The following CAPN7 variants were observed in gnomAD, a reference collection of about 807,000 sequenced individuals.
The protein encoded by CAPN7 is calpain 7.
In CAPN7, 72 loss-of-function variants were observed where a neutral mutation model predicts 115.2. That is an observed-to-expected ratio of 0.63 (90% CI 0.52 to 0.76). The LOEUF (loss-of-function observed/expected upper bound fraction) is 0.76. Among genes scored for constraint, CAPN7 ranks in the 30% least tolerant of loss-of-function variants. The pLI is 0.00. For missense variants in CAPN7, 905 were observed against 971.5 expected, an observed-to-expected ratio of 0.93 and a Z score of 0.91; for synonymous variants, 344 against 322.3, an observed-to-expected ratio of 1.07 and a Z score of -0.72.
chr3:15,242,256 A>G lies in CAPN7; in HGVS notation c.1864+3A>G. 6.4e-7 allele frequency: 1 copy of G among 1,562,134 alleles called. No individual in the cohort carries two copies. Among genetic ancestry groups the G allele is most frequent in the Non-Finnish European group, 8.7e-7 (1 of 1,145,600 alleles). Reference sequence around the variant, plus strand: ...TGGGAAAAAAGTTTATTACCCAGGTATGTTTAGTAGCCCAGCAAACATTAA... The same window carrying G: ...TGGGAAAAAAGTTTATTACCCAGGTGTGTTTAGTAGCCCAGCAAACATTAA... On this transcript the variant is annotated splice_donor_region_variant and intron_variant, in intron 16 of 20. Coordinates refer to ENST00000253693, the MANE Select transcript of CAPN7 (RefSeq NM_014296.3).
chr3:15,241,539 A>G lies in CAPN7; in HGVS notation c.1739A>G (p.Gln580Arg), dbSNP rs1232985781. Residue 580 changes from glutamine (Q) to arginine (R), a missense_variant, in exon 15 of 21, where the codon CAG becomes CGG. Gln to Arg is a conservative substitution (Grantham distance 43). Transcript: ENST00000253693. ...TACAAACTGGAGGTGCAGTGTCCAC[A>G]GGGGGGTGCTGCAGTTTGGGTTTTG... Reference protein sequence around the residue: ...PQYKLEVQCPQGGAAVWVLLS... With the variant: ...PQYKLEVQCPRGGAAVWVLLS... 3.1e-6 allele frequency: 5 copies of G among 1,614,088 alleles called. No homozygotes were observed. Among genetic ancestry groups the G allele is most frequent in the Non-Finnish European group, 3.4e-6 (4 of 1,179,958 alleles).
intron 9 of CAPN7, among the ~76,000 whole-genome samples, chr3:15,231,068 A>G (rs552430705): frequency 4.9e-4 from 75 of 152,338 alleles, no homozygotes; most frequent in African/African-American, 1.8e-3. Flanking sequence ...CAACATCAGC[A>G]TCACCTGGAA....
chr3:15,221,441 C>T (rs1693982175), intron 5 of CAPN7, among the ~76,000 whole-genome samples: 1 of 151,080 alleles, frequency 6.6e-6, no homozygotes, highest in Non-Finnish European at 1.5e-5. Flanking sequence ...GATTCGCCCA[C>T]CTCGGCCTCC....
At chr3:15,247,821 TAAG>T (rs1189067469) in intron 19 of CAPN7, among the ~76,000 whole-genome samples, 3 of 152,122 alleles carry the variant, frequency 2.0e-5, no homozygotes, top group Non-Finnish European at 2.9e-5. Context: ...GCTGCATTGA[TAAG>T]AAAAAAATCT....
In CAPN7 at chr3:15,247,386, C is replaced by A. The variant is rs1695727288; in HGVS notation, c.2133C>A (p.His711Gln). The part of the protein sequence containing the change: ...AGGCGNFQET[H>Q]KNNPIYQFHI... ...GATGTGGAAATTTCCAAGAGACTCACAAAAATAACCCCATCTACCAATTCC... is the reference window on the plus strand; with the variant it reads ...GATGTGGAAATTTCCAAGAGACTCAAAAAAATAACCCCATCTACCAATTCC... Residue 711 changes from histidine (H) to glutamine (Q), a missense_variant, in exon 19 of 21, where the codon CAC (histidine) becomes CAA (glutamine). His to Gln is a conservative substitution (Grantham distance 24). This residue lies in a region of CAPN7 where 620 missense variants were observed against 703.4 expected (regional missense o/e 0.88). Transcript: ENST00000253693. 1 of 1,610,062 alleles carries A rather than the reference C, an allele frequency of 6.2e-7. No homozygotes were observed. The highest frequency in any genetic ancestry group is 1.1e-5 in the South Asian group (1 of 90,662).
chr3:15,229,145 T>G, intron 8 of CAPN7, 86 bp downstream of exon 8: 1 of 901,596 alleles, frequency 1.1e-6, no homozygotes, highest in South Asian at 1.5e-5. Flanking sequence ...GTATAGAAAG[T>G]GGAGAGGGCA....
chr3:15,218,372 C>A, intron 3 of CAPN7, 101 bp from the exon 4 acceptor site: 1 of 724,984 alleles, frequency 1.4e-6, no homozygotes, highest in Non-Finnish European at 2.4e-6. Flanking sequence ...TCAATTTCAG[C>A]AAGTGTAATA....
At chr3:15,221,664 T>G (rs1693997995) in intron 5 of CAPN7, among the ~76,000 whole-genome samples, 1 of 150,672 alleles carries the variant, frequency 6.6e-6, no homozygotes, top group Non-Finnish European at 1.5e-5. Flanking sequence ...GGAGAAAAAA[T>G]GTTACTTTGA....
Position 15,251,171 on chromosome 3 carries a change from A to G in CAPN7, c.2353A>G (p.Ile785Val). 1.2e-6 allele frequency: 2 copies of G among 1,608,124 alleles called. No homozygotes were observed. The highest frequency in any genetic ancestry group is 1.7e-6 in the Non-Finnish European group (2 of 1,175,282). The change falls in exon 21 of 21, where the codon ATT (isoleucine) becomes GTT (valine). Residue 785 changes from isoleucine (I) to valine (V), a missense_variant. Ile to Val is a conservative substitution (Grantham distance 29). Coordinates refer to ENST00000253693, the MANE Select transcript of CAPN7 (RefSeq NM_014296.3). ...TATACCTTCTGGGATCTTCAATATC[A>G]TTCCTAGTACCTTTTTGCCTAAACA... ...ENIPSGIFNI[I>V]PSTFLPKQEG...
intron 6 of CAPN7, among the ~76,000 whole-genome samples, chr3:15,227,283 G>GTGTCCACC (rs751754160): frequency 1.8e-4 from 27 of 152,128 alleles, no homozygotes; most frequent in Non-Finnish European, 3.2e-4. Flanking sequence ...TGTTTCTTAG[G>GTGTCCACC]TGTCTGACCT....
intron 6 of CAPN7, among the ~76,000 whole-genome samples, chr3:15,224,102 T>C (rs1694162513): frequency 6.6e-6 from 1 of 152,158 alleles, no homozygotes; most frequent in Admixed American, 6.5e-5. Flanking sequence ...TCAAAGCATC[T>C]GTTGCAGCAA....
At chr3:15,221,255 C>G (rs1278047973) in intron 5 of CAPN7, among the ~76,000 whole-genome samples, 1 of 151,790 alleles carries the variant, frequency 6.6e-6, no homozygotes, top group Non-Finnish European at 1.5e-5. Context: ...TCTTGGCTCA[C>G]TGCAACCTCT....
At chr3:15,239,385 T>C (rs1307707883) in intron 12 of CAPN7, among the ~76,000 whole-genome samples, 2 of 152,224 alleles carry the variant, frequency 1.3e-5, no homozygotes, top group African/African-American at 4.8e-5. Context: ...TTACCACCTC[T>C]TTTATTTTCC....
chr3:15,234,479 TAC>T (rs1469313080), intron 11 of CAPN7, among the ~76,000 whole-genome samples: 1 of 152,214 alleles, frequency 6.6e-6, no homozygotes, highest in Non-Finnish European at 1.5e-5. Context: ...CCTTAATAGT[TAC>T]AGTTAATCCA....
At chr3:15,211,820 G>A (rs370382134) in intron 1 of CAPN7, among the ~76,000 whole-genome samples, 70 of 152,202 alleles carry the variant, frequency 4.6e-4, no homozygotes, top group African/African-American at 1.6e-3. Context: ...ACTTGAACCT[G>A]GGGAGGTTGA....
chr3:15,224,372 A>G (rs1694183524), intron 6 of CAPN7, among the ~76,000 whole-genome samples: 1 of 151,604 alleles, frequency 6.6e-6, no homozygotes, highest in Non-Finnish European at 1.5e-5. Flanking sequence ...TCTCAGGCTC[A>G]GGTGATTCTC....
In CAPN7 at chr3:15,217,479, G is replaced by T; in HGVS notation, c.266G>T (p.Arg89Leu). ...LKSKHQLDLE[R>L]AHFLVTQAFD... ...TCAAAACATCAGTTGGACTTAGAGC[G>T]TGCTCATTTCCTTGTTACACAAGCT... Residue 89 changes from arginine to leucine, a missense_variant, in exon 3 of 21, where the codon CGT becomes CTT. By Grantham distance (102) the Arg-to-Leu change is moderately radical. This residue lies in a region of CAPN7 where 271 missense variants were observed against 239.6 expected (regional missense o/e 1.13). Transcript: ENST00000253693. 2 of 1,613,728 alleles carry T rather than the reference G, an allele frequency of 1.2e-6. No individual in the cohort carries two copies. The highest frequency in any genetic ancestry group is 1.1e-5 in the South Asian group (1 of 91,058).
Position 15,247,396 on chromosome 3 carries a change from C to G in CAPN7, c.2143C>G (p.Pro715Ala). The change falls in exon 19 of 21, where the codon CCC (proline) becomes GCC (alanine). Residue 715 changes from proline to alanine, a missense_variant. Pro to Ala is a conservative substitution (Grantham distance 27). Transcript: ENST00000253693. ...TTTCCAAGAGACTCACAAAAATAAC[C>G]CCATCTACCAATTCCATATAGAAAA... ...GNFQETHKNN[P>A]IYQFHIEKTG... 1 of 1,611,108 alleles carries G rather than the reference C, an allele frequency of 6.2e-7. No homozygotes were observed. Among genetic ancestry groups the G allele is most frequent in the South Asian group, 1.1e-5 (1 of 90,782 alleles).
At chr3:15,232,785 C>T in intron 10 of CAPN7, 120 bp downstream of exon 10, 1 of 792,572 alleles carries the variant, frequency 1.3e-6, no homozygotes, top group East Asian at 2.9e-5. Context: ...TTATCAACCC[C>T]TGAAACAGGA....
Sources: gnomAD v4.1 joint callset for allele counts (sites outside exome capture counted in the v4.1 genomes callset) on GRCh38, gnomAD v4.1.1 for gene constraint, gnomAD v4.1.1 regional missense constraint, MANE v1.5 for transcripts, NCBI Gene and HGNC (gene_info 2026-07-23, HGNC 2026-07-21) for gene names.